Variants in SAMTOR observed in about 807,000 individuals in gnomAD.
The protein encoded by SAMTOR is S-adenosylmethionine sensor upstream of mTORC1, also known as UPF0532 protein C7orf60.
At chr7:112,936,184 T>C in the SAMTOR span, among the ~76,000 whole-genome samples, 1 of 151,074 alleles carries the variant, frequency 6.6e-6, no homozygotes, top group African/African-American at 2.4e-5. Context: ...AAACCTATCT[T>C]ATGAATATCT....
the SAMTOR span, among the ~76,000 whole-genome samples, chr7:112,891,267 T>C: frequency 6.6e-6 from 1 of 152,228 alleles, no homozygotes; most frequent in Non-Finnish European, 1.5e-5. Flanking sequence ...TTATAAGCTT[T>C]GTAGTAACCT....
chr7:112,902,449 C>CAAAAA, the SAMTOR span, among the ~76,000 whole-genome samples: 2 of 54,936 alleles, frequency 3.6e-5, no homozygotes, highest in East Asian at 6.0e-4. Flanking sequence ...CAAAAAAAAA[C>CAAAAA]AAAAAAAAAA....
the SAMTOR span, among the ~76,000 whole-genome samples, chr7:112,906,822 G>A: frequency 2.6e-5 from 4 of 152,088 alleles, no homozygotes; most frequent in Admixed American, 1.3e-4. Flanking sequence ...TGCCCACCTC[G>A]GCCTCCCAAA....
the SAMTOR span, among the ~76,000 whole-genome samples, chr7:112,866,651 AC>A: frequency 6.6e-6 from 1 of 152,204 alleles, no homozygotes. Flanking sequence ...GGGCTCTTCT[AC>A]AGAGTTTCAG....
the SAMTOR span, among the ~76,000 whole-genome samples, chr7:112,902,429 C>CAAAAAAAAAAAAAAAAAAAAAAAAAAA: frequency 3.4e-5 from 2 of 58,576 alleles, no homozygotes; most frequent in Non-Finnish European, 5.7e-5. Flanking sequence ...AAAAAAAAAA[C>CAAAAAAAAAAAAAAAAAAAAAAAAAAA]AAAAAAAAAC....
chr7:112,867,679 A>C, the SAMTOR span, among the ~76,000 whole-genome samples: 1 of 152,248 alleles, frequency 6.6e-6, no homozygotes, highest in Non-Finnish European at 1.5e-5. Flanking sequence ...AACATGGAAT[A>C]ATATTCTAAA....
At chr7:112,914,699 TA>T in the SAMTOR span, among the ~76,000 whole-genome samples, 1 of 152,172 alleles carries the variant, frequency 6.6e-6, no homozygotes, top group Admixed American at 6.5e-5. Context: ...CATAATTTAT[TA>T]ATGAGTCAAG....
At chr7:112,921,971 C>G in the SAMTOR span, among the ~76,000 whole-genome samples, 1 of 151,484 alleles carries the variant, frequency 6.6e-6, no homozygotes, top group Non-Finnish European at 1.5e-5. Context: ...CTCCCTCTCC[C>G]GCTCCCGCTC....
At chr7:112,923,206 G>C in the SAMTOR span, among the ~76,000 whole-genome samples, 1 of 152,110 alleles carries the variant, frequency 6.6e-6, no homozygotes, top group Non-Finnish European at 1.5e-5. Flanking sequence ...TGAAACATGT[G>C]CTGTGTCCAC....
the SAMTOR span, among the ~76,000 whole-genome samples, chr7:112,902,440 AAAAAAAAACAAAAAAAAAAACC>A: frequency 2.6e-5 from 2 of 75,818 alleles, no homozygotes; most frequent in African/African-American, 1.6e-4. Flanking sequence ...AAAAAAAAAC[AAAAAAAAACAAAAAAAAAAACC>A]AAAAAAGTTG....
At chr7:112,846,377 G>C in the SAMTOR span, among the ~76,000 whole-genome samples, 1 of 152,042 alleles carries the variant, frequency 6.6e-6, no homozygotes, top group African/African-American at 2.4e-5. Context: ...GTAGAGGATG[G>C]GAGGAGGAAG....
At chr7:112,863,102 A>G in the SAMTOR span, among the ~76,000 whole-genome samples, 1 of 152,160 alleles carries the variant, frequency 6.6e-6, no homozygotes, top group African/African-American at 2.4e-5. Context: ...GGCCAATGGA[A>G]CAGAATAGAG....
At chr7:112,841,412 C>G in the SAMTOR span, among the ~76,000 whole-genome samples, 1 of 152,066 alleles carries the variant, frequency 6.6e-6, no homozygotes, top group Non-Finnish European at 1.5e-5. Flanking sequence ...CTACAAACCA[C>G]TGCTCAAGGA....
chr7:112,916,024 T>A, the SAMTOR span, among the ~76,000 whole-genome samples: 2 of 152,236 alleles, frequency 1.3e-5, no homozygotes, highest in African/African-American at 4.8e-5. Flanking sequence ...TATTTCTATT[T>A]ACACACTTGG....
chr7:112,921,066 T>G, the SAMTOR span, among the ~76,000 whole-genome samples: 1,623 of 152,248 alleles, frequency 0.011, 30 homozygotes, highest in African/African-American at 0.037. Context: ...AAGCTACCAA[T>G]GACTTCCTTC....
chr7:112,876,240 A>G, the SAMTOR span, among the ~76,000 whole-genome samples: 1 of 152,154 alleles, frequency 6.6e-6, no homozygotes, highest in South Asian at 2.1e-4. Context: ...AATTACAGGC[A>G]TGCACCACTG....
At chr7:112,884,534 A>G in the SAMTOR span, among the ~76,000 whole-genome samples, 23 of 152,320 alleles carry the variant, frequency 1.5e-4, no homozygotes, top group Middle Eastern at 0.01. Context: ...CAGGTTCCAT[A>G]TAAGTCCGAA....
At chr7:112,825,404 A>T in the SAMTOR span, among the ~76,000 whole-genome samples, 3 of 152,158 alleles carry the variant, frequency 2.0e-5, no homozygotes, top group Non-Finnish European at 4.4e-5. Context: ...TATGAGCTAC[A>T]TATTTCATAT....
the SAMTOR span, among the ~76,000 whole-genome samples, chr7:112,912,887 T>C: frequency 6.6e-6 from 1 of 152,216 alleles, no homozygotes. Context: ...GTGAAAGCAA[T>C]TGCTCCAATA....
Sources: gnomAD v4.1 joint callset for allele counts (sites outside exome capture counted in the v4.1 genomes callset) on GRCh38, gnomAD v4.1.1 for gene constraint, MANE v1.5 for transcripts, NCBI Gene and HGNC (gene_info 2026-07-23, HGNC 2026-07-21) for gene names.